Variants in ZAN observed in about 807,000 individuals in gnomAD.
ZAN encodes zonadhesin.
ZAN carries 260 observed loss-of-function variants against 286.2 expected under a neutral mutation model. That is an observed-to-expected ratio of 0.91 (90% CI 0.82 to 1.01). The LOEUF is 1.01. Ranked by LOEUF, ZAN falls within the 50% of genes least tolerant of loss-of-function variation. The probability of loss-of-function intolerance (pLI) is 0.00; values close to 1 mark genes in which losing one functional copy is unlikely to be tolerated. For missense variants in ZAN, 3,410 were observed against 3,639.2 expected, an observed-to-expected ratio of 0.94 and a Z score of 1.62; for synonymous variants, 1,368 against 1,417.5, an observed-to-expected ratio of 0.97 and a Z score of 0.79.
Position 100,752,333 on chromosome 7 carries a change from A to G in ZAN, c.2228A>G (p.Glu743Gly). Reference sequence around the variant, plus strand: ...CCAGAAAAACCCACCACCCCCACAGAAAAACCCACCATCCCCACAGAAAAA... The same window carrying G: ...CCAGAAAAACCCACCACCCCCACAGGAAAACCCACCATCCCCACAGAAAAA... ...ISPEKPTTPT[E>G]KPTIPTEKPT... Residue 743 changes from glutamate (E) to glycine (G), a missense_variant, in exon 14 of 48, where the codon GAA (glutamate) becomes GGA (glycine). Glu to Gly is a moderately conservative substitution (Grantham distance 98, BLOSUM62 -2). Transcript: ENST00000613979. 1 of 1,566,182 alleles carries G rather than the reference A, an allele frequency of 6.4e-7. No homozygotes were observed.
Position 100,750,708 on chromosome 7 carries a change from C to T in ZAN, c.1333C>T (p.Pro445Ser). 1 of 1,613,212 alleles carries T rather than the reference C, an allele frequency of 6.2e-7. No homozygotes were observed. Among genetic ancestry groups the T allele is most frequent in the African/African-American group, 1.3e-5 (1 of 75,052 alleles). The change falls in exon 12 of 48, where the codon CCA (proline) becomes TCA (serine). Residue 445 changes from proline (P) to serine (S), a missense_variant. Transcript: ENST00000613979. ...VRLVSRPFCA[P>S]GDICVEFAYH... ...ACTGGTGAGCCGGCCCTTCTGCGCC[C>T]CAGGTGACATCTGCGTGGAGTTCGC...
At position 100,748,306 on chromosome 7, in the gene ZAN, C is replaced by A. The variant is rs894239785; in HGVS notation, c.1103-18C>A. The stretch of plus-strand genomic sequence containing the variant: ...AGCGTCACTCAACTTGCTCAAATAT[C>A]CTATTTTGATCCCCCAGAGGGTTTT... On this transcript the variant is annotated intron_variant, in intron 10 of 47. Coordinates refer to ENST00000613979, the MANE Select transcript of ZAN (RefSeq NM_003386.3). 1.2e-6 allele frequency: 2 copies of A among 1,613,766 alleles called. No individual in the cohort carries two copies. The highest frequency in any genetic ancestry group is 2.7e-5 in the African/African-American group (2 of 74,890).
At chr7:100,759,595 A>G (rs1809393642) in intron 17 of ZAN, 126 bp from the exon 18 acceptor site, 3 of 1,261,680 alleles carry the variant, frequency 2.4e-6, no homozygotes, top group Non-Finnish European at 3.2e-6. Flanking sequence ...GGCCTCCCCT[A>G]CTGGACTTTG....
chr7:100,755,668 C>G (rs1251737426), intron 15 of ZAN, among the ~76,000 whole-genome samples: 1 of 152,040 alleles, frequency 6.6e-6, no homozygotes, highest in African/African-American at 2.4e-5. Flanking sequence ...ACTTCCCGGG[C>G]TCCAGTGATC....
rs192488981 is a variant in ZAN at position 100,738,357 on chromosome 7, G to A, written c.614-104G>A. On this transcript the variant is annotated intron_variant, in intron 6 of 47. Transcript: ENST00000613979. ...CGCTTGAGTCCAGGAGTTCGAGGCC[G>A]CAGTGAGCTATGATCACACCACTGT... 471 of 1,123,686 alleles carry A rather than the reference G, an allele frequency of 4.2e-4. 51 individuals are homozygous for A. The East Asian group carries it at 0.012, about 28-fold the overall frequency. The allele number at this position is 1,123,686 out of a possible 1,614,324, so 69.6% of individuals were successfully genotyped here. A position where few individuals can be genotyped will look rare whatever the true frequency, so the allele number is the denominator to read the frequency against.
intron 39 of ZAN, among the ~76,000 whole-genome samples, chr7:100,790,472 G>A (rs984953097): frequency 1.3e-5 from 2 of 150,754 alleles, no homozygotes; most frequent in Non-Finnish European, 2.9e-5. Context: ...TGAGGCAGGA[G>A]AATGGAGTGA....
chr7:100,748,570 T>C, intron 11 of ZAN, 100 bp downstream of exon 11: 6 of 1,473,680 alleles, frequency 4.1e-6, no homozygotes, highest in Non-Finnish European at 2.7e-6. Flanking sequence ...TTTCAGGCAG[T>C]GGGAAGATCA....
Position 100,786,094 on chromosome 7 carries a change from A to G in ZAN, c.6932A>G (p.His2311Arg), listed in dbSNP as rs745810810. 3 of 1,614,008 alleles carry G rather than the reference A, an allele frequency of 1.9e-6. No homozygotes were observed. In the South Asian group the frequency reaches 3.3e-5, roughly 18 times the overall value. The change falls in exon 37 of 48, where the codon CAC becomes CGC. Residue 2311 changes from histidine to arginine, a missense_variant. His to Arg is a conservative substitution (Grantham distance 29, BLOSUM62 0). Around this residue, in one of 7 missense-constraint regions of ZAN, gnomAD observed 1,289 missense variants for 1,314.3 expected, o/e 0.98. Transcript: ENST00000613979. Reference protein sequence around the residue: ...CGDFRCPSGSHCQLTSDNSNS... With the variant: ...CGDFRCPSGSRCQLTSDNSNS... ...GACTTCCGATGCCCCTCTGGGTCCC[A>G]CTGCCAGCTCACTTCCGACAACAGC...
intron 25 of ZAN, among the ~76,000 whole-genome samples, chr7:100,767,467 GTTTTTTTTTT>G (rs35803818): frequency 2.6e-5 from 2 of 77,972 alleles, no homozygotes; most frequent in Non-Finnish European, 2.6e-5. Flanking sequence ...GTTTTTTGCC[GTTTTTTTTTT>G]TTTTTTTTTT....
intron 35 of ZAN, among the ~76,000 whole-genome samples, chr7:100,782,682 TGTGTGTG>T (rs369030208): frequency 3.6e-5 from 5 of 140,094 alleles, no homozygotes; most frequent in Admixed American, 2.8e-4. Flanking sequence ...GGGTTTTTTT[TGTGTGTG>T]TGTGTGTGTG....
intron 7 of ZAN, among the ~76,000 whole-genome samples, chr7:100,741,081 A>G (rs1408146947): frequency 1.5e-4 from 7 of 45,192 alleles, no homozygotes; most frequent in South Asian, 1.0e-3. Context: ...CACCTCCCGG[A>G]CGGGGCGGCT....
rs62483594 is a variant in ZAN at position 100,757,529 on chromosome 7, C to T, written c.3310-673C>T. Among the ~76,000 whole-genome samples, 596 of 148,156 alleles carry T rather than the reference C, an allele frequency of 4.0e-3. 5 individuals carry two copies. Among genetic ancestry groups the T allele is most frequent in the Non-Finnish European group, 5.8e-3 (385 of 66,866 alleles). On this transcript the variant is annotated intron_variant, in intron 15 of 47. Coordinates refer to ENST00000613979, the MANE Select transcript of ZAN (RefSeq NM_003386.3). ...TAGCACTTTGGGAGGCCAAGGCGGG[C>T]GGATCACCTGAGGTCAGGAGTTCGA...
intron 14 of ZAN, among the ~76,000 whole-genome samples, chr7:100,754,141 G>C (rs978792534): frequency 1.3e-5 from 2 of 152,062 alleles, no homozygotes; most frequent in Non-Finnish European, 2.9e-5. Context: ...ACTGTAGCAT[G>C]CATCAGGACT....
chr7:100,764,769 T>C (rs1363468647), intron 22 of ZAN, among the ~76,000 whole-genome samples: 2 of 144,142 alleles, frequency 1.4e-5, no homozygotes, highest in Non-Finnish European at 3.0e-5. Context: ...TCCCAGCTAC[T>C]TGGGAGGCTG....
intron 35 of ZAN, among the ~76,000 whole-genome samples, chr7:100,784,076 C>T (rs559964847): frequency 6.0e-5 from 9 of 150,714 alleles, no homozygotes; most frequent in Admixed American, 3.3e-4. Flanking sequence ...GTCCTGCTGC[C>T]GTTGCTGTTT....
rs775392870 is a variant in ZAN, at chr7:100,750,673, A to G, written c.1298A>G (p.Gln433Arg). 12 of 1,613,460 alleles carry G rather than the reference A, an allele frequency of 7.4e-6. No homozygotes were observed. Among genetic ancestry groups the G allele is most frequent in the Non-Finnish European group, 1.0e-5 (12 of 1,179,728 alleles). ...LEADEFSQAG[Q>R]SVRLVSRPFC... ...GCTGACGAGTTCTCCCAGGCAGGCCAGTCAGTCAGACTGGTGAGCCGGCCC... is the reference window on the plus strand; with the variant it reads ...GCTGACGAGTTCTCCCAGGCAGGCCGGTCAGTCAGACTGGTGAGCCGGCCC... The change falls in exon 12 of 48, where the codon CAG becomes CGG. Residue 433 changes from glutamine (Q) to arginine (R), a missense_variant. Coordinates refer to ENST00000613979, the MANE Select transcript of ZAN (RefSeq NM_003386.3).
chr7:100,767,947 C>G lies in ZAN; in HGVS notation c.4977C>G (p.Asp1659Glu). The change falls in exon 26 of 48, where the codon GAC (aspartate) becomes GAG (glutamate). Residue 1659 changes from aspartate (D) to glutamate (E), a missense_variant. Asp to Glu is a conservative substitution (Grantham distance 45, BLOSUM62 2). This residue lies in a region of ZAN where 1,042 missense variants were observed against 1,058.0 expected (regional missense o/e 0.98). Transcript: ENST00000613979. ...YTNFGLQVRY[D>E]GSHLVEVTVP... Reference sequence around the variant, plus strand: ...ACTTTGGGCTCCAAGTTCGCTACGACGGGAGCCACTTGGTGGAAGTGACAG... The same window carrying G: ...ACTTTGGGCTCCAAGTTCGCTACGAGGGGAGCCACTTGGTGGAAGTGACAG... 1.9e-6 allele frequency: 3 copies of G among 1,613,912 alleles called. No homozygotes were observed. The highest frequency in any genetic ancestry group is 2.5e-6 in the Non-Finnish European group (3 of 1,179,878).
intron 7 of ZAN, among the ~76,000 whole-genome samples, chr7:100,746,098 A>T (rs1240127168): frequency 6.6e-6 from 1 of 151,856 alleles, no homozygotes; most frequent in Non-Finnish European, 1.5e-5. Flanking sequence ...GTGGTGGCGC[A>T]CACCTGTAGT....
Position 100,779,720 on chromosome 7 carries a change from C to G in ZAN, c.6592C>G (p.Pro2198Ala), listed in dbSNP as rs1584616900. The G allele has an allele frequency of 6.4e-7, 1 of 1,555,850 alleles. No homozygotes were observed. The highest frequency in any genetic ancestry group is 1.2e-5 in the South Asian group (1 of 84,446). The change falls in exon 35 of 48, where the codon CCC (proline) becomes GCC (alanine). Residue 2198 changes from proline (P) to alanine (A), a missense_variant. Physicochemically the swap from Pro to Ala is conservative, Grantham distance 27. Coordinates refer to ENST00000613979, the MANE Select transcript of ZAN (RefSeq NM_003386.3). ...CACCTGCCAGAGCCAGGGGCTCAAG[C>G]CCCCACTCTGGAGAAACAGCAGCTT... The part of the protein sequence containing the change: ...GATCQSQGLK[P>A]PLWRNSSFCP...
Sources: gnomAD v4.1 joint callset for allele counts (sites outside exome capture counted in the v4.1 genomes callset) on GRCh38, gnomAD v4.1.1 for gene constraint, gnomAD v4.1.1 regional missense constraint, MANE v1.5 for transcripts, NCBI Gene and HGNC (gene_info 2026-07-23, HGNC 2026-07-21) for gene names.